The following BBS12 variants were observed in gnomAD, a reference collection of about 807,000 sequenced individuals.
BBS12 encodes the protein chaperonin-containing T-complex member BBS12.
A neutral mutation model predicts 5.6 loss-of-function variants in BBS12; 5 were observed. The observed-to-expected ratio is 0.89, with a 90% confidence interval of 0.46 to 1.86. BBS12 has a LOEUF of 1.86. Among genes scored for constraint, BBS12 ranks in the 40% most tolerant of loss-of-function variants. The pLI is 0.01. For missense variants in BBS12, 748 were observed against 830.4 expected (o/e 0.90, Z 1.22); for synonymous variants, 308 against 306.8 (o/e 1.00, Z -0.04).
At chr4:122,736,618 CAG>C (rs988260792) in intron 1 of BBS12, among the ~76,000 whole-genome samples, 3 of 152,228 alleles carry the variant, frequency 2.0e-5, no homozygotes, top group African/African-American at 7.2e-5. Flanking sequence ...GTACTGAAAA[CAG>C]AGAACTGTTT....
chr4:122,702,024 GA>G, the BBS12 span, among the ~76,000 whole-genome samples: 1 of 151,812 alleles, frequency 6.6e-6, no homozygotes. Flanking sequence ...TGGAAAGGGA[GA>G]AAAAAAAGCA....
At chr4:122,733,425 A>ACACC (rs1560702542) in intron 1 of BBS12, among the ~76,000 whole-genome samples, 2 of 117,750 alleles carry the variant, frequency 1.7e-5, no homozygotes, top group Non-Finnish European at 3.6e-5. Context: ...ACACACACAC[A>ACACC]TCCAGCCATT....
Position 122,743,464 on chromosome 4 carries a change from T to C in BBS12, c.1572T>C (p.Tyr524=). ...IKEDRFWTCA[Y]RLYYALKEEK... ...AAGATAGGTTCTGGACATGTGCCTA[T>C]CGTTTGTATTATGCTCTAAAAGAGG... Residue 524 remains tyrosine, a synonymous_variant, in exon 2 of 2, where the codon TAT becomes TAC. Transcript: ENST00000314218. 6.2e-7 allele frequency: 1 copy of C among 1,614,248 alleles called. No individual in the cohort carries two copies.
chr4:122,706,069 G>A, the BBS12 span, among the ~76,000 whole-genome samples: 3 of 152,112 alleles, frequency 2.0e-5, no homozygotes, highest in African/African-American at 7.2e-5. Flanking sequence ...TTTCCTAAGT[G>A]GGCAGAATTG....
rs765638388 is a variant in BBS12 at position 122,743,976 on chromosome 4, G to C, written c.2084G>C (p.Gly695Ala). 5 of 1,614,026 alleles carry C rather than the reference G, an allele frequency of 3.1e-6. No homozygotes were observed. The highest frequency in any genetic ancestry group is 4.2e-6 in the Non-Finnish European group (5 of 1,179,976). ...GACAGTGAAATAATTACTGGACATG[G>C]ACACACACAGATAAATTCACAGGAA... ...QTDSEIITGH[G>A]HTQINSQELT... is the part of the protein sequence containing the mutation. The change falls in exon 2 of 2, where the codon GGA becomes GCA. Residue 695 changes from glycine (G) to alanine (A), a missense_variant. Transcript: ENST00000314218.
At chr4:122,719,726 A>C in the BBS12 span, among the ~76,000 whole-genome samples, 1 of 152,244 alleles carries the variant, frequency 6.6e-6, no homozygotes, top group Admixed American at 6.5e-5. Flanking sequence ...CAAAGAGCTG[A>C]GCAAAAGTTT....
chr4:122,712,363 G>A, the BBS12 span, among the ~76,000 whole-genome samples: 1 of 152,272 alleles, frequency 6.6e-6, no homozygotes, highest in East Asian at 1.9e-4. Flanking sequence ...CAGCATAATG[G>A]GAGAGATCTG....
upstream of BBS12, chr4:122,730,375 T>C (rs1800681953): frequency 6.6e-6 from 1 of 152,214 alleles, no homozygotes. Flanking sequence ...ATGCTGTAGA[T>C]TTAACATCAT....
At chr4:122,710,998 G>A in the BBS12 span, among the ~76,000 whole-genome samples, 1 of 152,084 alleles carries the variant, frequency 6.6e-6, no homozygotes, top group African/African-American at 2.4e-5. Context: ...ATAAGTAAGA[G>A]TTTCCAGAAA....
In BBS12 at chr4:122,742,484, G is replaced by A. The variant is rs753055427; in HGVS notation, c.592G>A (p.Glu198Lys). Residue 198 changes from glutamate to lysine, a missense_variant, in exon 2 of 2, where the codon GAA becomes AAA. Glu to Lys is a moderately conservative substitution (Grantham distance 56). Coordinates refer to ENST00000314218, the MANE Select transcript of BBS12 (RefSeq NM_152618.3). ...TTCTGGGAGACCTCTTAAATCATAT[G>A]AATTATTTAAACCTCAGACAAAGGT... ...NLSGRPLKSY[E>K]LFKPQTKVEA... The A allele has an allele frequency of 1.2e-6, 2 of 1,613,990 alleles. No homozygotes were observed. The highest frequency in any genetic ancestry group is 1.7e-6 in the Non-Finnish European group (2 of 1,179,958).
At chr4:122,716,628 CATAT>C in the BBS12 span, among the ~76,000 whole-genome samples, 8 of 100,142 alleles carry the variant, frequency 8.0e-5, no homozygotes, top group African/African-American at 3.1e-4. Context: ...TGCACATACA[CATAT>C]GTATATACAC....
At chr4:122,702,801 A>G in the BBS12 span, among the ~76,000 whole-genome samples, 1 of 152,194 alleles carries the variant, frequency 6.6e-6, no homozygotes, top group African/African-American at 2.4e-5. Flanking sequence ...CCCACTTGAA[A>G]TTAGGAAAAG....
chr4:122,740,588 T>C (rs915856381), intron 1 of BBS12, among the ~76,000 whole-genome samples: 2 of 152,200 alleles, frequency 1.3e-5, no homozygotes, highest in African/African-American at 4.8e-5. Context: ...GTCTTTGTAA[T>C]CCCGGCAATT....
Position 122,743,109 on chromosome 4 carries a change from A to G in BBS12, c.1217A>G (p.Gln406Arg). Residue 406 changes from glutamine (Q) to arginine (R), a missense_variant, in exon 2 of 2, where the codon CAG becomes CGG. Gln to Arg is a conservative substitution (Grantham distance 43). Coordinates refer to ENST00000314218, the MANE Select transcript of BBS12 (RefSeq NM_152618.3). The part of the protein sequence containing the change: ...WANHVLQVLI[Q>R]FKVNLVLVQG... ...AATCACGTGTTACAGGTGTTAATCC[A>G]GTTCAAGGTGAACCTTGTCCTGGTA... 1 of 1,614,282 alleles carries G rather than the reference A, an allele frequency of 6.2e-7. No individual in the cohort carries two copies. Among genetic ancestry groups the G allele is most frequent in the Non-Finnish European group, 8.5e-7 (1 of 1,180,044 alleles).
At chr4:122,702,137 G>T in the BBS12 span, among the ~76,000 whole-genome samples, 3 of 152,188 alleles carry the variant, frequency 2.0e-5, no homozygotes, top group Non-Finnish European at 2.9e-5. Context: ...GAGTGCAGTT[G>T]CATAATAACA....
At chr4:122,710,623 G>T in the BBS12 span, among the ~76,000 whole-genome samples, 1 of 152,190 alleles carries the variant, frequency 6.6e-6, no homozygotes, top group Admixed American at 6.5e-5. Context: ...AGACGGAGCA[G>T]GGGACAGTGA....
At chr4:122,726,499 A>G in the BBS12 span, among the ~76,000 whole-genome samples, 4 of 152,220 alleles carry the variant, frequency 2.6e-5, no homozygotes, top group East Asian at 1.9e-4. Context: ...TACAGCCACT[A>G]TGGAAAAAAC....
intron 1 of BBS12, among the ~76,000 whole-genome samples, chr4:122,733,424 CAT>C (rs199794748): frequency 0.01 from 1,387 of 134,132 alleles, 59 homozygotes; most frequent in Middle Eastern, 0.039. Flanking sequence ...CACACACACA[CAT>C]CCAGCCATTT....
the BBS12 span, among the ~76,000 whole-genome samples, chr4:122,721,795 A>C: frequency 3.3e-5 from 5 of 152,314 alleles, no homozygotes; most frequent in East Asian, 5.8e-4. Flanking sequence ...ACCTATCCTC[A>C]GAAGTCATAT....
Sources: gnomAD v4.1 joint callset for allele counts (sites outside exome capture counted in the v4.1 genomes callset) on GRCh38, gnomAD v4.1.1 for gene constraint, MANE v1.5 for transcripts, NCBI Gene and HGNC (gene_info 2026-07-23, HGNC 2026-07-21) for gene names.